Variants in RBPMS observed in about 807,000 individuals in gnomAD.
RBPMS encodes RNA binding protein, mRNA processing factor.
A neutral mutation model predicts 26.8 loss-of-function variants in RBPMS; 7 were observed. The observed-to-expected ratio is 0.26, with a 90% CI of 0.15 to 0.49. The LOEUF is 0.49. RBPMS is among the 20% of genes least tolerant of loss of function. The probability of loss-of-function intolerance (pLI) is 0.98; values close to 1 mark genes in which losing one functional copy is unlikely to be tolerated. For synonymous variants in RBPMS, 96 were observed against 93.3 expected (o/e 1.03, Z -0.17); for missense variants, 186 against 250.0 (o/e 0.74, Z 1.73).
chr8:30,447,887 T>A lies in RBPMS; in HGVS notation c.67-26892T>A, dbSNP rs1362426856. 2.0e-5 allele frequency among the ~76,000 whole-genome samples: 3 copies of A among 152,216 alleles called. No homozygotes were observed. In the East Asian group the frequency reaches 5.8e-4, roughly 29 times the overall value. ...ACAGTGTTAATACATAACTGTCACATATCTCTTTTGTGATTACATTTTTTT... is the reference window on the plus strand; with the variant it reads ...ACAGTGTTAATACATAACTGTCACAAATCTCTTTTGTGATTACATTTTTTT... On this transcript the variant is annotated intron_variant, in intron 1 of 8. Coordinates refer to ENST00000397323, the MANE Select transcript of RBPMS (RefSeq NM_001008710.3).
chr8:30,453,202 A>G (rs528287528), intron 1 of RBPMS, among the ~76,000 whole-genome samples: 2 of 152,280 alleles, frequency 1.3e-5, no homozygotes, highest in East Asian at 3.9e-4. Context: ...GTGGTCCTTA[A>G]TGTATGTTAA....
chr8:30,547,804 G>A (rs1825990963), intron 6 of RBPMS, among the ~76,000 whole-genome samples: 1 of 152,202 alleles, frequency 6.6e-6, no homozygotes, highest in African/African-American at 2.4e-5. Flanking sequence ...TCTAGCTAGG[G>A]GAGCCCCTGT....
At chr8:30,452,183 T>A (rs1814665222) in intron 1 of RBPMS, among the ~76,000 whole-genome samples, 1 of 152,232 alleles carries the variant, frequency 6.6e-6, no homozygotes, top group East Asian at 1.9e-4. Context: ...CATGGCATTT[T>A]ACATCATCAG....
In RBPMS at chr8:30,469,982, T is replaced by C. The variant is rs144339261; in HGVS notation, c.67-4797T>C. ...TGAAGGCAAGGATCATGTCTATGAA[T>C]TCAGTAGGCTTAGCAAAGCCAAAAC... On this transcript the variant is annotated intron_variant, in intron 1 of 8. Transcript: ENST00000397323. Among the ~76,000 whole-genome samples, 9 of 152,314 alleles carry C rather than the reference T, an allele frequency of 5.9e-5. No individual in the cohort carries two copies. In the East Asian group the frequency reaches 1.5e-3, roughly 26 times the overall value.
chr8:30,427,390 A>G (rs1340598369), intron 1 of RBPMS, among the ~76,000 whole-genome samples: 1 of 152,138 alleles, frequency 6.6e-6, no homozygotes, highest in Non-Finnish European at 1.5e-5. Flanking sequence ...GTCTCTCCCT[A>G]CTGCCACACT....
intron 1 of RBPMS, among the ~76,000 whole-genome samples, chr8:30,439,232 G>A (rs1812805742): frequency 2.0e-5 from 3 of 152,174 alleles, no homozygotes; most frequent in Admixed American, 2.0e-4. Context: ...GATAAACTTT[G>A]TGTGTGCTCT....
intron 2 of RBPMS, among the ~76,000 whole-genome samples, chr8:30,476,038 G>A (rs1817662137): frequency 6.6e-6 from 1 of 152,182 alleles, no homozygotes; most frequent in African/African-American, 2.4e-5. Flanking sequence ...TTTATAGAAT[G>A]CAAACTTTTA....
intron 1 of RBPMS, among the ~76,000 whole-genome samples, chr8:30,445,649 G>GAGATATATATATATATATATATAT (rs1198019611): frequency 9.3e-6 from 1 of 107,366 alleles, no homozygotes. Context: ...TATACACACG[G>GAGATATATATATATATATATATAT]ATATATATAT....
chr8:30,388,354 G>C (rs1807352857), intron 1 of RBPMS, among the ~76,000 whole-genome samples: 1 of 151,122 alleles, frequency 6.6e-6, no homozygotes, highest in East Asian at 2.0e-4. Flanking sequence ...TAATTGATGA[G>C]TTTAAAGTAT....
chr8:30,490,451 T>C (rs1819265881), intron 4 of RBPMS, among the ~76,000 whole-genome samples: 2 of 149,776 alleles, frequency 1.3e-5, no homozygotes, highest in East Asian at 4.1e-4. Flanking sequence ...AGAGGGGTTT[T>C]GTTTGTTATT....
At chr8:30,440,794 CTTTT>C (rs34107190) in intron 1 of RBPMS, among the ~76,000 whole-genome samples, 7 of 143,588 alleles carry the variant, frequency 4.9e-5, no homozygotes, top group African/African-American at 1.5e-4. Flanking sequence ...ATTTTTTTAA[CTTTT>C]TTTTTTTTTT....
intron 5 of RBPMS, among the ~76,000 whole-genome samples, chr8:30,528,271 A>G (rs946280996): frequency 3.2e-4 from 49 of 151,896 alleles, no homozygotes; most frequent in African/African-American, 1.2e-3. Context: ...GAGAGGTACT[A>G]AGGTGCTCAA....
intron 1 of RBPMS, among the ~76,000 whole-genome samples, chr8:30,468,394 T>A (rs969542077): frequency 2.0e-5 from 3 of 152,126 alleles, no homozygotes; most frequent in African/African-American, 7.2e-5. Flanking sequence ...TGATTCAGAT[T>A]GGTTTTTATC....
intron 1 of RBPMS, among the ~76,000 whole-genome samples, chr8:30,439,400 A>C (rs1276630957): frequency 6.6e-6 from 1 of 152,260 alleles, no homozygotes; most frequent in African/African-American, 2.4e-5. Flanking sequence ...AATTTTGTTC[A>C]TAAAGCAAAA....
At chr8:30,549,795 T>TCTCTCTCTCTCTCTCTCTCC (rs1298441943) in intron 6 of RBPMS, among the ~76,000 whole-genome samples, 45 of 100,724 alleles carry the variant, frequency 4.5e-4, no homozygotes, top group African/African-American at 1.9e-3. Context: ...TCTCTCTCTC[T>TCTCTCTCTCTCTCTCTCTCC]CCCCTCTCTC....
At chr8:30,542,994 T>C (rs1231431090) in intron 5 of RBPMS, among the ~76,000 whole-genome samples, 1 of 152,136 alleles carries the variant, frequency 6.6e-6, no homozygotes, top group East Asian at 1.9e-4. Flanking sequence ...GGGGCTTATT[T>C]CTCCCACCTA....
intron 4 of RBPMS, among the ~76,000 whole-genome samples, chr8:30,482,404 C>T (rs1563361586): frequency 6.6e-6 from 1 of 152,190 alleles, no homozygotes; most frequent in South Asian, 2.1e-4. Context: ...TTATGAACGA[C>T]TTCTCCATGT....
intron 4 of RBPMS, among the ~76,000 whole-genome samples, chr8:30,483,924 C>T (rs1818531146): frequency 6.6e-6 from 1 of 152,058 alleles, no homozygotes; most frequent in African/African-American, 2.4e-5. Context: ...TTACCAGAAT[C>T]AAATTCCTTT....
intron 4 of RBPMS, among the ~76,000 whole-genome samples, chr8:30,497,913 A>C (rs1284408825): frequency 6.6e-6 from 1 of 151,826 alleles, no homozygotes; most frequent in African/African-American, 2.4e-5. Flanking sequence ...TGATCCACCA[A>C]GCCCGGCCAC....
Sources: allele counts gnomAD v4.1 joint callset (sites outside exome capture counted in the v4.1 genomes callset), GRCh38; gene constraint gnomAD v4.1.1; transcripts MANE v1.5; gene names NCBI Gene and HGNC (gene_info 2026-07-23, HGNC 2026-07-21).